The following UGGT1 variants were observed in gnomAD, a reference collection of about 807,000 sequenced individuals.
The protein encoded by UGGT1 is UDP-glucose:glycoprotein glucosyltransferase 1.
Under a neutral mutation model 203.9 loss-of-function variants are expected in UGGT1, and 107 were observed. The ratio of observed to expected loss-of-function variants is 0.52; its 90% CI spans 0.45 to 0.62. UGGT1 has a LOEUF of 0.62. UGGT1 is among the 20% of genes least tolerant of loss of function. UGGT1 has a pLI of 0.00. For missense variants in UGGT1, 1,673 were observed against 1,867.2 expected (o/e 0.90, Z 1.92); for synonymous variants, 628 against 653.5 (o/e 0.96, Z 0.59).
chr2:128,160,154 T>A (rs1690453351), intron 23 of UGGT1, among the ~76,000 whole-genome samples: 2 of 152,224 alleles, frequency 1.3e-5, no homozygotes, highest in African/African-American at 2.4e-5. Flanking sequence ...TATATACTAT[T>A]TGACGTTTGA....
Position 128,113,092 on chromosome 2 carries a change from C to A in UGGT1, c.530C>A (p.Pro177His). Residue 177 changes from proline to histidine, a missense_variant, in exon 6 of 41, where the codon CCT becomes CAT. Pro to His is a moderately conservative substitution (Grantham distance 77). Transcript: ENST00000259253. Reference sequence around the variant, plus strand: ...TTATTATTTATTTTCAGACCCAAACCTTTATTGTTCAAAGGAGATCACAGA... The same window carrying A: ...TTATTATTTATTTTCAGACCCAAACATTTATTGTTCAAAGGAGATCACAGA... ...LLLTASERPK[P>H]LLFKGDHRYP... The A allele has an allele frequency of 1.3e-6, 2 of 1,511,440 alleles. No individual in the cohort carries two copies. Among genetic ancestry groups the A allele is most frequent in the Admixed American group, 2.1e-5 (1 of 46,964 alleles). The allele number at this position is 1,511,440 out of a possible 1,614,324, so 93.6% of individuals were successfully genotyped here.
intron 16 of UGGT1, among the ~76,000 whole-genome samples, chr2:128,142,516 T>A (rs539180256): frequency 4.9e-4 from 71 of 144,106 alleles, no homozygotes; most frequent in African/African-American, 1.7e-3. Context: ...ACCTGGGAGG[T>A]AGAGGTTGTA....
intron 32 of UGGT1, among the ~76,000 whole-genome samples, 181 bp downstream of exon 32, chr2:128,177,079 C>A (rs760562791): frequency 6.6e-6 from 1 of 151,490 alleles, no homozygotes; most frequent in Non-Finnish European, 1.5e-5. Context: ...AAGATTGTAC[C>A]TTTTGGGTAA....
chr2:128,172,827 C>G (rs1291371436), intron 29 of UGGT1, 65 bp downstream of exon 29: 2 of 1,461,788 alleles, frequency 1.4e-6, no homozygotes, highest in Non-Finnish European at 1.9e-6. Flanking sequence ...GAATCATAGT[C>G]TAGGTGGGCC....
chr2:128,132,855 C>A (rs544563579), intron 13 of UGGT1, among the ~76,000 whole-genome samples: 2 of 152,160 alleles, frequency 1.3e-5, no homozygotes, highest in African/African-American at 4.8e-5. Flanking sequence ...GGGACAGCAG[C>A]CACCATGCCT....
At chr2:128,169,100 C>G (rs1229222000) in intron 26 of UGGT1, among the ~76,000 whole-genome samples, 1 of 117,892 alleles carries the variant, frequency 8.5e-6, no homozygotes, top group Non-Finnish European at 1.7e-5. Context: ...AAGACAAGGA[C>G]CAGGTGTGGT....
intron 39 of UGGT1, 126 bp from the exon 40 acceptor site, chr2:128,187,323 G>A: frequency 2.0e-6 from 2 of 996,856 alleles, no homozygotes; most frequent in Non-Finnish European, 2.9e-6. Context: ...GCTTCTGGTA[G>A]TATATCATTT....
Position 128,109,729 on chromosome 2 carries a change from A to T in UGGT1, c.504A>T (p.Leu168=). The T allele has an allele frequency of 1.2e-6, 2 of 1,613,476 alleles. No individual in the cohort carries two copies. Among genetic ancestry groups the T allele is most frequent in the South Asian group, 2.2e-5 (2 of 91,070 alleles). ...AATCTGATACCCTTGAGGCTCTTCT[A>T]CTGACAGCCTCTGAAAGGTAGATTA... The part of the protein sequence containing the change: ...TCESDTLEAL[L]LTASERPKPL... The change falls in exon 5 of 41, where the codon CTA becomes CTT. Residue 168 remains leucine (L), a synonymous_variant. Coordinates refer to ENST00000259253, the MANE Select transcript of UGGT1 (RefSeq NM_020120.4).
Position 128,116,246 on chromosome 2 carries a change from A to AT in UGGT1, c.794-15dup. ...ATCTGAGCAATTATTAATAATATGTATTTTCTATTCTTTCATAGGAACTGA... is the reference window on the plus strand; with the variant it reads ...ATCTGAGCAATTATTAATAATATGTATTTTTCTATTCTTTCATAGGAACTGA... On this transcript the variant is annotated intron_variant, in intron 7 of 40. Coordinates refer to ENST00000259253, the MANE Select transcript of UGGT1 (RefSeq NM_020120.4). 1 of 1,505,492 alleles carries AT rather than the reference A, an allele frequency of 6.6e-7. No homozygotes were observed. The highest frequency in any genetic ancestry group is 1.2e-5 in the South Asian group (1 of 86,372). The allele number at this position is 1,505,492 out of a possible 1,614,324, so 93.3% of individuals were successfully genotyped here. A position where few individuals can be genotyped will look rare whatever the true frequency, so the allele number is the denominator to read the frequency against.
chr2:128,096,889 CTTTGTAGGAAAGAATGTAAT>C (rs1372311555), intron 1 of UGGT1, among the ~76,000 whole-genome samples: 1 of 148,480 alleles, frequency 6.7e-6, no homozygotes, highest in Non-Finnish European at 1.5e-5. Flanking sequence ...GAAGCAGAGC[CTTTGTAGGAAAGAATGTAAT>C]AACCTAAGTG....
chr2:128,167,111 C>A (rs1020439996), intron 26 of UGGT1, among the ~76,000 whole-genome samples: 1 of 152,140 alleles, frequency 6.6e-6, no homozygotes, highest in Non-Finnish European at 1.5e-5. Context: ...ATTTTCTCAA[C>A]ATTTTGTGAA....
At chr2:128,172,954 T>C (rs920937273) in intron 29 of UGGT1, among the ~76,000 whole-genome samples, 192 bp downstream of exon 29, 1 of 152,196 alleles carries the variant, frequency 6.6e-6, no homozygotes, top group African/African-American at 2.4e-5. Context: ...TTTTAGTATC[T>C]TCACGGAGTT....
At position 128,149,512 on chromosome 2, in the gene UGGT1, G is replaced by A. The variant is rs191206298; in HGVS notation, c.2017-3272G>A. On this transcript the variant is annotated intron_variant, in intron 18 of 40. Coordinates refer to ENST00000259253, the MANE Select transcript of UGGT1 (RefSeq NM_020120.4). Reference sequence around the variant, plus strand: ...ACACAAAAAAAATTAGGCCGGGCGCGGTGGCTCACTTGGGAAACCGAGGTG... The same window carrying A: ...ACACAAAAAAAATTAGGCCGGGCGCAGTGGCTCACTTGGGAAACCGAGGTG... Among the ~76,000 whole-genome samples, 663 of 151,250 alleles carry A rather than the reference G, an allele frequency of 4.4e-3. 2 individuals carry two copies. Among genetic ancestry groups the A allele is most frequent in the African/African-American group, 0.015 (630 of 41,374 alleles).
chr2:128,140,768 C>T (rs1176821073), intron 16 of UGGT1, among the ~76,000 whole-genome samples: 2 of 152,288 alleles, frequency 1.3e-5, no homozygotes, highest in African/African-American at 4.8e-5. Flanking sequence ...CCTTGAACTC[C>T]TGGCCCTAAG....
chr2:128,102,437 C>T lies in UGGT1; in HGVS notation c.195-1495C>T, dbSNP rs77399879. Among the ~76,000 whole-genome samples, 49 of 152,170 alleles carry T rather than the reference C, an allele frequency of 3.2e-4. 1 individual carries two copies. The East Asian group carries it at 7.9e-3, about 25-fold the overall frequency. Reference sequence around the variant, plus strand: ...GGGATTACAGGCGTGAGCCACGGCGCCTGGCCTGTAAAATCATAATTTATG... The same window carrying T: ...GGGATTACAGGCGTGAGCCACGGCGTCTGGCCTGTAAAATCATAATTTATG... On this transcript the variant is annotated intron_variant, in intron 2 of 40. Transcript: ENST00000259253.
chr2:128,116,927 G>A (rs1409217838), intron 8 of UGGT1, among the ~76,000 whole-genome samples: 1 of 152,042 alleles, frequency 6.6e-6, no homozygotes, highest in Non-Finnish European at 1.5e-5. Flanking sequence ...ACCATTTTTT[G>A]ATTGCCATAA....
chr2:128,093,246 G>A (rs1686955287), intron 1 of UGGT1, among the ~76,000 whole-genome samples: 1 of 73,504 alleles, frequency 1.4e-5, no homozygotes, highest in African/African-American at 3.8e-5. Flanking sequence ...GCAGGCCACA[G>A]GTTCATAGGA....
At chr2:128,159,442 A>T in intron 22 of UGGT1, 72 bp from the exon 23 acceptor site, 2 of 1,354,038 alleles carry the variant, frequency 1.5e-6, no homozygotes, top group East Asian at 2.3e-5. Flanking sequence ...ATTGAACATG[A>T]CTGATGTTAA....
rs374171534 is a variant in UGGT1 at position 128,152,827 on chromosome 2, A to G, written c.2060A>G (p.Asn687Ser). ...HDQDVVEYIM[N>S]QPNVVPRINS... ...CAAGATGTGGTAGAGTATATCATGAATCAGCCAAATGTTGTTCCACGAATC... is the reference window on the plus strand; with the variant it reads ...CAAGATGTGGTAGAGTATATCATGAGTCAGCCAAATGTTGTTCCACGAATC... The change falls in exon 19 of 41, where the codon AAT (asparagine) becomes AGT (serine). Residue 687 changes from asparagine to serine, a missense_variant. Coordinates refer to ENST00000259253, the MANE Select transcript of UGGT1 (RefSeq NM_020120.4). The G allele has an allele frequency of 4.9e-5, 79 of 1,613,910 alleles. 1 individual carries two copies. In the Middle Eastern group the frequency reaches 4.9e-4, roughly 10 times the overall value.
Sources: allele counts gnomAD v4.1 joint callset (sites outside exome capture counted in the v4.1 genomes callset), GRCh38; gene constraint gnomAD v4.1.1; transcripts MANE v1.5; gene names NCBI Gene and HGNC (gene_info 2026-07-23, HGNC 2026-07-21).